Variants in POU6F2 observed in about 807,000 individuals in gnomAD.
The protein encoded by POU6F2 is POU domain, class 6, transcription factor 2.
POU6F2 carries 31 observed loss-of-function variants against 71.3 expected under a neutral mutation model. The ratio of observed to expected loss-of-function variants is 0.43; its 90% CI spans 0.33 to 0.59. The LOEUF (loss-of-function observed/expected upper bound fraction) is 0.59. POU6F2 is among the 20% of genes least tolerant of loss of function. The pLI, the probability that POU6F2 is intolerant of heterozygous loss-of-function variation, is 0.04. For missense variants in POU6F2, 783 were observed against 856.8 expected (o/e 0.91, Z 1.07); for synonymous variants, 347 against 355.7 (o/e 0.98, Z 0.27).
At position 39,433,169 on chromosome 7, in the gene POU6F2, C is replaced by G. The variant is rs749386487; in HGVS notation, c.1206C>G (p.Pro402=). 22 of 1,613,780 alleles carry G rather than the reference C, an allele frequency of 1.4e-5. No homozygotes were observed. Among genetic ancestry groups the G allele is most frequent in the Non-Finnish European group, 1.4e-5 (17 of 1,179,882 alleles). ...TQGLQVQPIT[P]QLLTNAQGQI... is the part of the protein sequence containing the mutation. ...GCTTGCAAGTGCAGCCAATCACCCC[C>G]CAGCTCCTCACAAACGCCCAGGGCC... Residue 402 remains proline (P), a synonymous_variant, in exon 7 of 10, where the codon CCC becomes CCG. Coordinates refer to ENST00000518318, the MANE Select transcript of POU6F2 (RefSeq NM_001370959.1).
At chr7:38,998,320 C>T (rs1248055981) in intron 1 of POU6F2, among the ~76,000 whole-genome samples, 1 of 152,158 alleles carries the variant, frequency 6.6e-6, no homozygotes, top group African/African-American at 2.4e-5. Flanking sequence ...CTATCAGGTA[C>T]ATTCTAGTTT....
rs984183404 is a variant in POU6F2 at position 39,433,151 on chromosome 7, A to G, written c.1188A>G (p.Gln396=). ...SQAASGTQGL[Q]VQPITPQLLT... is the part of the protein sequence containing the mutation. The stretch of plus-strand genomic sequence containing the variant: ...CAGCAAGCGGCACTCAGGGCTTGCA[A>G]GTGCAGCCAATCACCCCCCAGCTCC... The change falls in exon 7 of 10, where the codon CAA becomes CAG. Residue 396 remains glutamine, a synonymous_variant. Coordinates refer to ENST00000518318, the MANE Select transcript of POU6F2 (RefSeq NM_001370959.1). The G allele has an allele frequency of 6.8e-6, 11 of 1,613,660 alleles. No homozygotes were observed. Among genetic ancestry groups the G allele is most frequent in the African/African-American group, 4.0e-5 (3 of 74,884 alleles).
intron 1 of POU6F2, among the ~76,000 whole-genome samples, chr7:39,045,105 T>G (rs1266899406): frequency 6.6e-6 from 1 of 151,984 alleles, no homozygotes; most frequent in Non-Finnish European, 1.5e-5. Context: ...TAATGTTCCT[T>G]GAGATTCTTT....
rs1281962544 is a variant in POU6F2 at position 39,438,337 on chromosome 7, AG to A, written c.1320+5055del. Among the ~76,000 whole-genome samples, 3 of 152,340 alleles carry A rather than the reference AG, an allele frequency of 2.0e-5. No homozygotes were observed. The East Asian group carries it at 5.8e-4, about 29-fold the overall frequency. On this transcript the variant is annotated intron_variant, in intron 7 of 9. Transcript: ENST00000518318. ...CATATGTGCCACATTTTCTTAATCCAGTCTATCATTGATGGACATTTGGGTT... is the reference window on the plus strand; with the variant it reads ...CATATGTGCCACATTTTCTTAATCCATCTATCATTGATGGACATTTGGGTT...
chr7:39,419,034 T>TAC (rs1787768661), intron 6 of POU6F2, among the ~76,000 whole-genome samples: 1 of 146,680 alleles, frequency 6.8e-6, no homozygotes, highest in South Asian at 2.1e-4. Context: ...TGTGTGTATA[T>TAC]ATACATATAT....
intron 1 of POU6F2, among the ~76,000 whole-genome samples, chr7:39,062,831 C>G (rs9648065): frequency 6.0e-5 from 9 of 148,864 alleles, no homozygotes; most frequent in Non-Finnish European, 1.2e-4. Context: ...GAAGGAGGAT[C>G]GCTTGAGCCC....
intron 9 of POU6F2, among the ~76,000 whole-genome samples, chr7:39,463,186 C>A (rs1293094957): frequency 6.6e-6 from 1 of 152,110 alleles, no homozygotes; most frequent in African/African-American, 2.4e-5. Context: ...TTTTGTACTT[C>A]ATTGAGAGTG....
chr7:39,128,743 G>A (rs944620328), intron 2 of POU6F2, among the ~76,000 whole-genome samples: 4 of 152,130 alleles, frequency 2.6e-5, no homozygotes, highest in Non-Finnish European at 5.9e-5. Context: ...ATCTATGATC[G>A]CCATGTGTTC....
intron 1 of POU6F2, among the ~76,000 whole-genome samples, chr7:39,000,065 C>T (rs571776208): frequency 3.3e-5 from 5 of 152,034 alleles, no homozygotes; most frequent in African/African-American, 4.8e-5. Flanking sequence ...CATTTTAGTT[C>T]GTTTTGTAAT....
chr7:39,365,555 C>G (rs1244541523), intron 5 of POU6F2, among the ~76,000 whole-genome samples: 2 of 152,130 alleles, frequency 1.3e-5, no homozygotes, highest in African/African-American at 2.4e-5. Flanking sequence ...AACTAAAGAG[C>G]TTTTGCATGG....
At chr7:39,219,923 G>A (rs748494913) in intron 4 of POU6F2, among the ~76,000 whole-genome samples, 19 of 152,006 alleles carry the variant, frequency 1.2e-4, no homozygotes, top group Non-Finnish European at 2.5e-4. Context: ...TAACTCACAC[G>A]GGAGAAAGTT....
chr7:39,141,148 C>G (rs1350956816), intron 2 of POU6F2, among the ~76,000 whole-genome samples: 1 of 152,146 alleles, frequency 6.6e-6, no homozygotes, highest in Non-Finnish European at 1.5e-5. Context: ...AGAGGTGCAA[C>G]TGTTTTTGTG....
intron 1 of POU6F2, among the ~76,000 whole-genome samples, chr7:39,014,233 A>C (rs1389799534): frequency 6.6e-6 from 1 of 152,194 alleles, no homozygotes; most frequent in Non-Finnish European, 1.5e-5. Context: ...GAGAGGCATA[A>C]CCCAATGCTG....
At chr7:39,287,316 G>T (rs1427551273) in intron 4 of POU6F2, among the ~76,000 whole-genome samples, 1 of 152,172 alleles carries the variant, frequency 6.6e-6, no homozygotes, top group African/African-American at 2.4e-5. Context: ...GCTTGTGCGC[G>T]TGATATGGCT....
chr7:39,456,297 T>C (rs1258639982), intron 8 of POU6F2, among the ~76,000 whole-genome samples: 6 of 152,152 alleles, frequency 3.9e-5, no homozygotes, highest in East Asian at 1.9e-4. Flanking sequence ...GAAAGCCAGA[T>C]TGAACTATCC....
intron 7 of POU6F2, among the ~76,000 whole-genome samples, chr7:39,451,200 T>A (rs1220363702): frequency 6.6e-6 from 1 of 152,184 alleles, no homozygotes; most frequent in Non-Finnish European, 1.5e-5. Context: ...TTGAGAAGCC[T>A]GTCAAGTGTG....
At position 39,052,498 on chromosome 7, in the gene POU6F2, T is replaced by C. The variant is rs142158170; in HGVS notation, c.106-33362T>C. ...AAACAGGGGAAATACCAGACACTTATAAAACCATCGGATCTCATGAGAACT... is the reference window on the plus strand; with the variant it reads ...AAACAGGGGAAATACCAGACACTTACAAAACCATCGGATCTCATGAGAACT... On this transcript the variant is annotated intron_variant, in intron 1 of 9. Coordinates refer to ENST00000518318, the MANE Select transcript of POU6F2 (RefSeq NM_001370959.1). 7.4e-4 allele frequency among the ~76,000 whole-genome samples: 112 copies of C among 152,098 alleles called. 4 individuals are homozygous for C. In the East Asian group the frequency reaches 0.021, roughly 28 times the overall value.
rs559529407 is a variant in POU6F2, at chr7:39,192,961, G to A, written c.278-11274G>A. Among the ~76,000 whole-genome samples the A allele has an allele frequency of 1.7e-3, 257 of 152,286 alleles. 1 individual carries two copies. Among genetic ancestry groups the A allele is most frequent in the African/African-American group, 5.8e-3 (242 of 41,562 alleles). On this transcript the variant is annotated intron_variant, in intron 2 of 9. Coordinates refer to ENST00000518318, the MANE Select transcript of POU6F2 (RefSeq NM_001370959.1). ...GAGGAAGGACAAGGAGAAAGGGAAA[G>A]AATTATGAACTCAAACCCAGTGCTT...
At chr7:39,379,612 G>A (rs940341428) in intron 5 of POU6F2, among the ~76,000 whole-genome samples, 5 of 152,124 alleles carry the variant, frequency 3.3e-5, no homozygotes, top group African/African-American at 1.2e-4. Flanking sequence ...CCAGTTTTGT[G>A]ATCCTGCAGT....
Sources: allele counts gnomAD v4.1 joint callset (sites outside exome capture counted in the v4.1 genomes callset), GRCh38; gene constraint gnomAD v4.1.1; transcripts MANE v1.5; gene names NCBI Gene and HGNC (gene_info 2026-07-23, HGNC 2026-07-21).